The following FRMD4A variants were observed in gnomAD, a reference collection of about 807,000 sequenced individuals.
The protein encoded by FRMD4A is FERM domain containing 4A.
FRMD4A carries 29 observed loss-of-function variants against 129.1 expected under a neutral mutation model. The ratio of observed to expected loss-of-function variants is 0.22; its 90% CI spans 0.17 to 0.31. FRMD4A has a LOEUF of 0.31. Among genes scored for constraint, FRMD4A ranks in the 10% least tolerant of loss-of-function variants. FRMD4A has a pLI of 1.00. For synonymous variants in FRMD4A, 634 were observed against 571.6 expected (o/e 1.11, Z -1.56); for missense variants, 1,272 against 1,375.8 (o/e 0.92, Z 1.19).
chr10:14,240,884 G>A (rs1415743689), intron 2 of FRMD4A, among the ~76,000 whole-genome samples: 1 of 148,536 alleles, frequency 6.7e-6, no homozygotes, highest in Non-Finnish European at 1.5e-5. Flanking sequence ...TTAAGCCCCT[G>A]CTGGGATCCC....
intron 3 of FRMD4A, among the ~76,000 whole-genome samples, chr10:13,811,884 G>GTTTT (rs775972279): frequency 2.2e-5 from 3 of 134,790 alleles, no homozygotes; most frequent in Non-Finnish European, 1.6e-5. Flanking sequence ...TTATCTGTTG[G>GTTTT]TTTTTTTTTT....
At chr10:14,184,852 C>A (rs1842035357) in intron 2 of FRMD4A, among the ~76,000 whole-genome samples, 1 of 152,232 alleles carries the variant, frequency 6.6e-6, no homozygotes, top group Non-Finnish European at 1.5e-5. Context: ...ATCCTTACCA[C>A]ATCTTCGTGC....
Position 14,218,218 on chromosome 10 carries a change from A to G in FRMD4A, c.45+111840T>C, listed in dbSNP as rs527289350. Among the ~76,000 whole-genome samples the G allele has an allele frequency of 9.2e-5, 14 of 152,340 alleles. No homozygotes were observed. The South Asian group carries it at 2.1e-3, about 23-fold the overall frequency. On this transcript the variant is annotated intron_variant, in intron 2 of 24. Transcript: ENST00000357447. ...TTTGTTTAAATTGGTATGAAATGCAATTGAAGATTTTCCTGAAGATTATAC... is the reference window on the plus strand; with the variant it reads ...TTTGTTTAAATTGGTATGAAATGCAGTTGAAGATTTTCCTGAAGATTATAC...
intron 2 of FRMD4A, among the ~76,000 whole-genome samples, chr10:13,868,886 T>C (rs1043913705): frequency 6.6e-6 from 1 of 152,176 alleles, no homozygotes; most frequent in African/African-American, 2.4e-5. Context: ...AGATGGAAGT[T>C]ATTAAGTGAG....
intron 2 of FRMD4A, among the ~76,000 whole-genome samples, chr10:14,160,378 G>T (rs937769621): frequency 6.6e-6 from 1 of 152,078 alleles, no homozygotes; most frequent in African/African-American, 2.4e-5. Flanking sequence ...CATTGGTCTC[G>T]GCAAAGGTTT....
intron 2 of FRMD4A, among the ~76,000 whole-genome samples, chr10:14,318,807 T>C (rs1199437115): frequency 6.6e-6 from 1 of 152,154 alleles, no homozygotes; most frequent in Non-Finnish European, 1.5e-5. Flanking sequence ...CTGAACCACA[T>C]CGACATGTCC....
In FRMD4A at chr10:13,971,899, T is replaced by TCAGGCAAGGAAAAAATG. The variant is rs1195591258; in HGVS notation, c.46-113004_46-112988dup. On this transcript the variant is annotated intron_variant, in intron 2 of 24. Transcript: ENST00000357447. ...AAGTGCCAATGTCAGTAAGATTTAA[T>TCAGGCAAGGAAAAAATG]CAGGCAAGGAAAAAATGCAGTCCAA... 2.5e-5 allele frequency: 32 copies of TCAGGCAAGGAAAAAATG among 1,268,156 alleles called. 1 individual carries two copies. The highest frequency in any genetic ancestry group is 3.2e-5 in the Non-Finnish European group (31 of 972,708). The allele number at this position is 1,268,156 out of a possible 1,614,324, so 78.6% of individuals were successfully genotyped here.
intron 2 of FRMD4A, among the ~76,000 whole-genome samples, chr10:14,094,974 G>T (rs1295890212): frequency 2.0e-5 from 3 of 152,042 alleles, no homozygotes; most frequent in Admixed American, 6.5e-5. Context: ...GTGTGGGGGG[G>T]AACCAAGAGA....
At chr10:14,207,169 C>G (rs978464804) in intron 2 of FRMD4A, among the ~76,000 whole-genome samples, 9 of 151,960 alleles carry the variant, frequency 5.9e-5, no homozygotes, top group Non-Finnish European at 8.8e-5. Context: ...TACAAACTTT[C>G]CAGGTCATGT....
intron 19 of FRMD4A, 47 bp from the exon 20 acceptor site, chr10:13,660,600 C>T (rs758269133): frequency 8.0e-7 from 1 of 1,251,270 alleles, no homozygotes; most frequent in Admixed American, 1.8e-5. Flanking sequence ...TCATCCTTCC[C>T]ACAGGCTGAG....
intron 9 of FRMD4A, among the ~76,000 whole-genome samples, chr10:13,747,521 C>T (rs201939406): frequency 9.9e-5 from 6 of 60,804 alleles, no homozygotes; most frequent in African/African-American, 3.6e-4. Context: ...AAAGTGAGAT[C>T]CGTCTCAAAA....
intron 2 of FRMD4A, among the ~76,000 whole-genome samples, chr10:13,981,665 G>A (rs1047644255): frequency 3.3e-5 from 5 of 150,990 alleles, no homozygotes; most frequent in East Asian, 2.0e-4. Context: ...TTTCAACTCC[G>A]GAGGCGGAGG....
chr10:14,128,683 T>A (rs1589037953), intron 2 of FRMD4A, among the ~76,000 whole-genome samples: 1 of 152,180 alleles, frequency 6.6e-6, no homozygotes, highest in Non-Finnish European at 1.5e-5. Flanking sequence ...GACTCCTAGT[T>A]TTGTAATGAG....
intron 2 of FRMD4A, among the ~76,000 whole-genome samples, chr10:14,215,805 G>A (rs1843056840): frequency 1.3e-5 from 2 of 152,130 alleles, no homozygotes; most frequent in African/African-American, 2.4e-5. Flanking sequence ...AACGAGGAAA[G>A]CCTACCGTGA....
chr10:13,886,146 T>C (rs1226515575), intron 2 of FRMD4A, among the ~76,000 whole-genome samples: 3 of 152,174 alleles, frequency 2.0e-5, no homozygotes, highest in Non-Finnish European at 4.4e-5. Flanking sequence ...TGGTTATGAA[T>C]GGCACAGCCT....
chr10:13,668,719 C>A (rs944598076), intron 17 of FRMD4A, among the ~76,000 whole-genome samples: 2 of 152,198 alleles, frequency 1.3e-5, no homozygotes, highest in Admixed American at 6.5e-5. Context: ...GTTGGGGGAA[C>A]TCCCTAAAAG....
At chr10:13,707,466 G>A (rs777642707) in intron 12 of FRMD4A, 3 of 1,024,854 alleles carry the variant, frequency 2.9e-6, no homozygotes, top group East Asian at 8.2e-5. Flanking sequence ...GGTGGAGACC[G>A]GGGAGAGGGA....
rs1289182862 is a variant in FRMD4A at position 13,657,584 on chromosome 10, G to T, written c.2067-62C>A. On this transcript the variant is annotated intron_variant, in intron 21 of 24. Coordinates refer to ENST00000357447, the MANE Select transcript of FRMD4A (RefSeq NM_018027.5). ...GAGTGGGCCCAAGGAGGGGTGCTCC[G>T]GGGAGGAGGGGGTCCTGAGGAGGGC... The T allele has an allele frequency of 1.1e-5, 16 of 1,461,744 alleles. No homozygotes were observed. The highest frequency in any genetic ancestry group is 1.4e-5 in the Non-Finnish European group (16 of 1,107,348). The allele number at this position is 1,461,744 out of a possible 1,614,324, so 90.5% of individuals were successfully genotyped here.
intron 2 of FRMD4A, among the ~76,000 whole-genome samples, chr10:14,004,561 A>G (rs1419768319): frequency 6.6e-6 from 1 of 152,202 alleles, no homozygotes; most frequent in Non-Finnish European, 1.5e-5. Flanking sequence ...ACAAACAGAA[A>G]AAAAAAGATA....
Sources: allele counts gnomAD v4.1 joint callset (sites outside exome capture counted in the v4.1 genomes callset), GRCh38; gene constraint gnomAD v4.1.1; transcripts MANE v1.5; gene names NCBI Gene and HGNC (gene_info 2026-07-23, HGNC 2026-07-21).